The following SCRG1 variants were observed in gnomAD, a reference collection of about 807,000 sequenced individuals.
SCRG1 encodes the protein scrapie-responsive protein 1.
A neutral mutation model predicts 7.7 loss-of-function variants in SCRG1; 3 were observed. The ratio of observed to expected loss-of-function variants is 0.39; its 90% CI spans 0.18 to 1.01. The LOEUF is 1.01. SCRG1 is among the 50% of genes least tolerant of loss of function. The probability of loss-of-function intolerance (pLI) is 0.36; values close to 1 mark genes in which losing one functional copy is unlikely to be tolerated. For synonymous variants in SCRG1, 46 were observed against 41.2 expected, an observed-to-expected ratio of 1.12 and a Z score of -0.44; for missense variants, 110 against 117.2, an observed-to-expected ratio of 0.94 and a Z score of 0.28.
At chr4:173,424,108 G>C in the SCRG1 span, among the ~76,000 whole-genome samples, 1 of 152,124 alleles carries the variant, frequency 6.6e-6, no homozygotes, top group Non-Finnish European at 1.5e-5. Context: ...ATTTCAACAT[G>C]ATTTTGGAGG....
the SCRG1 span, among the ~76,000 whole-genome samples, chr4:173,457,695 T>G: frequency 6.6e-6 from 1 of 152,206 alleles, no homozygotes; most frequent in Non-Finnish European, 1.5e-5. Context: ...GACCTTGACA[T>G]TTTTAATACT....
chr4:173,456,728 G>A, the SCRG1 span, among the ~76,000 whole-genome samples: 1 of 144,076 alleles, frequency 6.9e-6, no homozygotes, highest in African/African-American at 2.6e-5. Flanking sequence ...AAATTAGGTA[G>A]AAATTAGAGA....
At chr4:173,469,379 A>C in the SCRG1 span, 1 of 152,156 alleles carries the variant, frequency 6.6e-6, no homozygotes, top group African/African-American at 2.4e-5. Context: ...TAGAATATTT[A>C]ATTTTTATGA....
At chr4:173,470,717 A>G in the SCRG1 span, among the ~76,000 whole-genome samples, 2 of 152,266 alleles carry the variant, frequency 1.3e-5, no homozygotes, top group Non-Finnish European at 2.9e-5. Context: ...TAGAAGCACC[A>G]TCATTCTAAC....
At chr4:173,457,768 G>T in the SCRG1 span, among the ~76,000 whole-genome samples, 1 of 152,146 alleles carries the variant, frequency 6.6e-6, no homozygotes, top group Admixed American at 6.5e-5. Flanking sequence ...AGGAGTGTGT[G>T]ACACTTATAC....
At chr4:173,411,236 C>A (rs1344763647), upstream of SCRG1, among the ~76,000 whole-genome samples, 1 of 152,192 alleles carries the variant, frequency 6.6e-6, no homozygotes, top group Admixed American at 6.5e-5. Flanking sequence ...AACTTCTGAT[C>A]TAACACTGTC....
Position 173,391,408 on chromosome 4 carries a change from G to C in SCRG1, c.7C>G (p.Leu3Val), listed in dbSNP as rs534663872. The stretch of plus-strand genomic sequence containing the variant: ...CCAATGGTGAAAACAAGTACCATCA[G>C]TTTCATTTTGGCTTTTGGCCCTGAA... The part of the protein sequence containing the change: MK[L>V]MVLVFTIGLT... Residue 3 changes from leucine to valine, a missense_variant, in exon 2 of 3, where the codon CTG (leucine) becomes GTG (valine). By Grantham distance (32) the Leu-to-Val change is conservative. Transcript: ENST00000296506. The C allele has an allele frequency of 4.8e-5, 77 of 1,614,048 alleles. No homozygotes were observed. In the East Asian group the frequency reaches 1.6e-3, roughly 33 times the overall value.
At chr4:173,507,960 C>G in the SCRG1 span, among the ~76,000 whole-genome samples, 5 of 152,194 alleles carry the variant, frequency 3.3e-5, no homozygotes, top group African/African-American at 1.2e-4. This position sits in a 1 kb window ranked among gnomAD's most constrained non-coding sequence, Gnocchi z 4.4. Context: ...GTGCGGCTCC[C>G]GGAGGCGCTG....
chr4:173,497,842 C>CG, the SCRG1 span, among the ~76,000 whole-genome samples: 6 of 151,588 alleles, frequency 4.0e-5, no homozygotes, highest in African/African-American at 7.3e-5. Context: ...GGCTAGTTTT[C>CG]TTTTTTTCTT....
At chr4:173,389,393 G>A (rs1279274831) in intron 2 of SCRG1, among the ~76,000 whole-genome samples, 1 of 152,066 alleles carries the variant, frequency 6.6e-6, no homozygotes, top group Non-Finnish European at 1.5e-5. Flanking sequence ...AGAATTAGCC[G>A]GGCGAGGTGG....
exon 1 of SCRG1, chr4:173,406,365 A>G (rs757693503): frequency 1.3e-5 from 2 of 152,144 alleles, no homozygotes; most frequent in African/African-American, 2.4e-5. Flanking sequence ...TAGGTCTGCA[A>G]CTTCCCCCTC....
the SCRG1 span, among the ~76,000 whole-genome samples, chr4:173,479,435 G>GTT: frequency 8.6e-3 from 1,079 of 125,714 alleles, 51 homozygotes; most frequent in Middle Eastern, 0.022. Context: ...TTGTTTGTTT[G>GTT]TTTTTTTGTT....
the SCRG1 span, chr4:173,469,388 G>T: frequency 6.6e-6 from 1 of 151,904 alleles, no homozygotes. Flanking sequence ...TAATTTTTAT[G>T]AATTTTCTTT....
At chr4:173,507,992 G>A in the SCRG1 span, among the ~76,000 whole-genome samples, 20 of 152,342 alleles carry the variant, frequency 1.3e-4, no homozygotes, top group Non-Finnish European at 2.2e-4. This position sits in a 1 kb window ranked among gnomAD's most constrained non-coding sequence, Gnocchi z 4.4. Context: ...GGACTGCAGA[G>A]GGAATGTCGG....
chr4:173,461,906 G>A, the SCRG1 span, among the ~76,000 whole-genome samples: 1 of 151,848 alleles, frequency 6.6e-6, no homozygotes, highest in African/African-American at 2.4e-5. Flanking sequence ...AAATTCTGGA[G>A]CCAAAAAATG....
chr4:173,396,824 G>A (rs1260597948), intron 1 of SCRG1, among the ~76,000 whole-genome samples: 1 of 151,602 alleles, frequency 6.6e-6, no homozygotes, highest in Non-Finnish European at 1.5e-5. Context: ...GGAGGCCGAG[G>A]CGGGCAGATC....
the SCRG1 span, among the ~76,000 whole-genome samples, chr4:173,426,585 G>A: frequency 6.6e-6 from 1 of 152,188 alleles, no homozygotes; most frequent in South Asian, 2.1e-4. Flanking sequence ...ATCTCAGCCT[G>A]TCTAGTAGCT....
the SCRG1 span, among the ~76,000 whole-genome samples, chr4:173,506,096 T>G: frequency 6.6e-6 from 1 of 152,162 alleles, no homozygotes; most frequent in Non-Finnish European, 1.5e-5. The surrounding 1 kb of genome is among the most constrained non-coding windows in gnomAD (Gnocchi z 5.3). Context: ...AATTTCAGTT[T>G]AAATCTCAAA....
At chr4:173,469,657 A>G in the SCRG1 span, 1 of 152,330 alleles carries the variant, frequency 6.6e-6, no homozygotes, top group Middle Eastern at 3.4e-3. Context: ...AAAAGAAAAT[A>G]ATAAATTTGT....
Sources: gnomAD v4.1 joint callset for allele counts (sites outside exome capture counted in the v4.1 genomes callset) on GRCh38, gnomAD v4.1.1 for gene constraint, Gnocchi (gnomAD v3.1) non-coding constraint, MANE v1.5 for transcripts, NCBI Gene and HGNC (gene_info 2026-07-23, HGNC 2026-07-21) for gene names.